ARHGEF28: variants seen among roughly 807,000 people sequenced by gnomAD.
ARHGEF28 encodes the protein 190 kDa guanine nucleotide exchange factor.
In ARHGEF28, 152 loss-of-function variants were observed where a neutral mutation model predicts 206.6. The observed-to-expected ratio is 0.74, with a 90% CI of 0.64 to 0.84. The LOEUF (loss-of-function observed/expected upper bound fraction) is 0.84, where lower values mean the gene tolerates loss of function less well. ARHGEF28 is among the 40% of genes least tolerant of loss of function. The pLI is 0.00. For missense variants in ARHGEF28, 2,028 were observed against 2,073.2 expected (o/e 0.98, Z 0.42); for synonymous variants, 763 against 776.4 (o/e 0.98, Z 0.29).
chr5:73,702,679 C>T (rs1419148983), intron 2 of ARHGEF28, among the ~76,000 whole-genome samples: 1 of 152,178 alleles, frequency 6.6e-6, no homozygotes, highest in East Asian at 1.9e-4. Context: ...GTCCTATTTT[C>T]TCCCCGTTTT....
At chr5:73,939,940 T>C (rs1742494892) in intron 35 of ARHGEF28, among the ~76,000 whole-genome samples, 1 of 152,208 alleles carries the variant, frequency 6.6e-6, no homozygotes, top group South Asian at 2.1e-4. Context: ...GTATGTGGCC[T>C]CTTCTTAATG....
At chr5:73,897,712 T>C (rs78923511) in intron 29 of ARHGEF28, among the ~76,000 whole-genome samples, 2,462 of 152,346 alleles carry the variant, frequency 0.016, 67 homozygotes, top group African/African-American at 0.057. Flanking sequence ...ACTTTTCCTA[T>C]AAAGGGCCAG....
chr5:73,765,002 A>G (rs893699294), intron 4 of ARHGEF28, among the ~76,000 whole-genome samples: 2 of 151,958 alleles, frequency 1.3e-5, no homozygotes, highest in Non-Finnish European at 2.9e-5. Context: ...AATTTTTTTC[A>G]TTGTACTTTT....
At chr5:73,804,681 C>A (rs1755337903) in intron 9 of ARHGEF28, among the ~76,000 whole-genome samples, 1 of 151,570 alleles carries the variant, frequency 6.6e-6, no homozygotes, top group Non-Finnish European at 1.5e-5. Context: ...TGTAGAATGT[C>A]CCTTAATTGG....
At chr5:73,658,730 C>T (rs554014403) in intron 1 of ARHGEF28, among the ~76,000 whole-genome samples, 1 of 152,220 alleles carries the variant, frequency 6.6e-6, no homozygotes, top group South Asian at 2.1e-4. Flanking sequence ...GAGCTCATGA[C>T]AGAGAATTGT....
chr5:73,865,826 T>G (rs1333055172), intron 17 of ARHGEF28, 139 bp from the exon 18 acceptor site: 2 of 689,550 alleles, frequency 2.9e-6, no homozygotes, highest in Non-Finnish European at 4.8e-6. Context: ...ATTTAATGTC[T>G]TTTGCTTTGA....
chr5:73,865,835 G>C, intron 17 of ARHGEF28, 130 bp from the exon 18 acceptor site: 1 of 725,422 alleles, frequency 1.4e-6, no homozygotes, highest in Non-Finnish European at 2.2e-6. Flanking sequence ...CTTTTGCTTT[G>C]AATTCCTCTT....
At chr5:73,832,650 C>A (rs1161047706) in intron 10 of ARHGEF28, among the ~76,000 whole-genome samples, 191 bp downstream of exon 10, 1 of 152,196 alleles carries the variant, frequency 6.6e-6, no homozygotes, top group African/African-American at 2.4e-5. Context: ...GAACACAAGA[C>A]ACCTTACTCA....
intron 4 of ARHGEF28, among the ~76,000 whole-genome samples, chr5:73,758,772 C>T (rs1271814767): frequency 4.6e-5 from 7 of 152,074 alleles, no homozygotes; most frequent in Admixed American, 3.3e-4. Context: ...AGTCTGGTCT[C>T]GAACTCCTGA....
At position 73,858,223 on chromosome 5, in the gene ARHGEF28, A is replaced by C; in HGVS notation, c.2047+4A>C. 6.3e-7 allele frequency: 1 copy of C among 1,577,506 alleles called. No homozygotes were observed. The highest frequency in any genetic ancestry group is 2.0e-5 in the Admixed American group (1 of 49,842). On this transcript the variant is annotated splice_donor_region_variant and intron_variant, in intron 16 of 35. Coordinates refer to ENST00000513042, the MANE Select transcript of ARHGEF28 (RefSeq NM_001177693.2). ...AAAGAGTCACTGCAGTGTTCTAGTA[A>C]GTTCTCAGGTCTATGTGCGCTGTCT...
intron 1 of ARHGEF28, among the ~76,000 whole-genome samples, chr5:73,681,615 G>A (rs978659141): frequency 6.6e-6 from 1 of 152,214 alleles, no homozygotes; most frequent in Non-Finnish European, 1.5e-5. Context: ...AGGAGTTGGA[G>A]ACAATCCTGG....
chr5:73,777,247 C>T (rs1344300812), intron 6 of ARHGEF28, among the ~76,000 whole-genome samples: 2 of 150,174 alleles, frequency 1.3e-5, no homozygotes, highest in South Asian at 2.1e-4. Context: ...AACTTTATCT[C>T]TCTTTTTTTT....
At chr5:73,654,983 G>A (rs1745092995) in intron 1 of ARHGEF28, among the ~76,000 whole-genome samples, 1 of 152,172 alleles carries the variant, frequency 6.6e-6, no homozygotes. Flanking sequence ...ATGAAAGGTT[G>A]TTTGAATACT....
In ARHGEF28 at chr5:73,765,880, C is replaced by T. The variant is rs531501810; in HGVS notation, c.476-7975C>T. ...CTAAAAACGTATTGTGGGCTGGGCG[C>T]GGTGGCTCACGCCTGTAATCCCAGC... On this transcript the variant is annotated intron_variant, in intron 4 of 35. Coordinates refer to ENST00000513042, the MANE Select transcript of ARHGEF28 (RefSeq NM_001177693.2). 2.6e-4 allele frequency among the ~76,000 whole-genome samples: 40 copies of T among 152,252 alleles called. No individual in the cohort carries two copies. The South Asian group carries it at 6.0e-3, about 23-fold the overall frequency.
chr5:73,845,598 T>A (rs1758286409), intron 11 of ARHGEF28, among the ~76,000 whole-genome samples: 1 of 152,160 alleles, frequency 6.6e-6, no homozygotes, highest in Non-Finnish European at 1.5e-5. Flanking sequence ...AAATATTTGA[T>A]GGGTTACCAT....
intron 1 of ARHGEF28, among the ~76,000 whole-genome samples, chr5:73,649,111 A>G (rs980435615): frequency 1.3e-5 from 2 of 152,230 alleles, no homozygotes; most frequent in African/African-American, 4.8e-5. Context: ...TCCCCATTGT[A>G]TAGATAAAGA....
intron 25 of ARHGEF28, 35 bp from the exon 26 acceptor site, chr5:73,887,568 G>T (rs1446423193): frequency 2.1e-6 from 3 of 1,455,396 alleles, no homozygotes. Flanking sequence ...ACTGTGGTTT[G>T]CTTCATTAAT....
At chr5:73,922,122 T>C (rs1056273672) in intron 35 of ARHGEF28, among the ~76,000 whole-genome samples, 4 of 152,236 alleles carry the variant, frequency 2.6e-5, no homozygotes, top group Non-Finnish European at 5.9e-5. Context: ...ATTCTGAGTT[T>C]TGAAGTTTCC....
intron 12 of ARHGEF28, among the ~76,000 whole-genome samples, chr5:73,848,327 G>A (rs747294552): frequency 2.0e-5 from 3 of 151,990 alleles, no homozygotes; most frequent in Admixed American, 6.6e-5. Context: ...GAACAAAACC[G>A]GCAAGTCATT....
Sources: gnomAD v4.1 joint callset for allele counts (sites outside exome capture counted in the v4.1 genomes callset) on GRCh38, gnomAD v4.1.1 for gene constraint, MANE v1.5 for transcripts, NCBI Gene and HGNC (gene_info 2026-07-23, HGNC 2026-07-21) for gene names.